The following LRRC37A2 variants were observed in gnomAD, a reference collection of about 807,000 sequenced individuals.
The protein encoded by LRRC37A2 is leucine-rich repeat-containing protein 37A2.
Under a neutral mutation model 68.8 loss-of-function variants are expected in LRRC37A2, and 9 were observed. The ratio of observed to expected loss-of-function variants is 0.13; its 90% CI spans 0.08 to 0.23. The LOEUF is 0.23. Among genes scored for constraint, LRRC37A2 ranks in the 10% least tolerant of loss-of-function variants. The probability of loss-of-function intolerance (pLI) is 1.00; values close to 1 mark genes in which losing one functional copy is unlikely to be tolerated. For missense variants in LRRC37A2, 168 were observed against 950.4 expected (o/e 0.18, Z 10.82); for synonymous variants, 63 against 367.6 (o/e 0.17, Z 9.48).
the LRRC37A2 span, among the ~76,000 whole-genome samples, chr17:46,918,911 C>G: frequency 1.3e-5 from 2 of 152,220 alleles, no homozygotes; most frequent in South Asian, 4.1e-4. Flanking sequence ...GTTTTCCCCA[C>G]TGGCCTTATC....
At chr17:46,875,453 C>A in the LRRC37A2 span, 2 of 1,442,154 alleles carry the variant, frequency 1.4e-6, no homozygotes, top group East Asian at 5.0e-5. Context: ...GCACCCCACT[C>A]CCCAAAATAC....
the LRRC37A2 span, among the ~76,000 whole-genome samples, chr17:46,631,082 A>ACACACACACACACACACACACACACG: frequency 1.5e-3 from 212 of 141,832 alleles, no homozygotes; most frequent in East Asian, 0.011. Context: ...ACACACACAC[A>ACACACACACACACACACACACACACG]CACACACACA....
the LRRC37A2 span, among the ~76,000 whole-genome samples, chr17:46,934,093 G>A: frequency 6.6e-6 from 1 of 152,210 alleles, no homozygotes; most frequent in Non-Finnish European, 1.5e-5. Context: ...CACCAGGATG[G>A]GCGTTGGTGT....
the LRRC37A2 span, among the ~76,000 whole-genome samples, chr17:46,896,755 C>T: frequency 2.0e-5 from 3 of 152,206 alleles, no homozygotes; most frequent in Non-Finnish European, 4.4e-5. Context: ...GATGTCCGTC[C>T]CACCACAAGG....
chr17:46,979,753 T>C, the LRRC37A2 span, among the ~76,000 whole-genome samples: 2 of 149,342 alleles, frequency 1.3e-5, no homozygotes, highest in African/African-American at 2.5e-5. Context: ...CTTGGTCCCA[T>C]TTAACTTTTT....
At chr17:46,766,386 G>A in the LRRC37A2 span, among the ~76,000 whole-genome samples, 46 of 150,998 alleles carry the variant, frequency 3.0e-4, no homozygotes, top group Admixed American at 2.2e-3. Flanking sequence ...CAGCCTGGGC[G>A]ACAAAGAGAG....
chr17:46,722,997 T>G, the LRRC37A2 span, among the ~76,000 whole-genome samples: 1 of 152,176 alleles, frequency 6.6e-6, no homozygotes, highest in South Asian at 2.1e-4. Flanking sequence ...GCTGCAGGTA[T>G]TTTTCCTCTC....
the LRRC37A2 span, among the ~76,000 whole-genome samples, chr17:46,807,205 G>A: frequency 6.6e-6 from 1 of 152,218 alleles, no homozygotes; most frequent in Non-Finnish European, 1.5e-5. Flanking sequence ...AAAGAAGGCC[G>A]GGCCTGGTGG....
chr17:46,841,222 G>A, the LRRC37A2 span, among the ~76,000 whole-genome samples: 2 of 152,216 alleles, frequency 1.3e-5, no homozygotes, highest in Non-Finnish European at 2.9e-5. Context: ...CCAGCCCAAA[G>A]AGCAGCTTTC....
the LRRC37A2 span, among the ~76,000 whole-genome samples, chr17:46,392,421 CTT>C: frequency 5.7e-3 from 325 of 57,356 alleles, 32 homozygotes; most frequent in African/African-American, 0.012. Flanking sequence ...CTCTCTCTCT[CTT>C]TCTTTCTCTC....
the LRRC37A2 span, among the ~76,000 whole-genome samples, chr17:46,912,911 T>C: frequency 6.6e-6 from 1 of 152,194 alleles, no homozygotes; most frequent in African/African-American, 2.4e-5. Context: ...AGCAGCCTGG[T>C]CCTAGTTCCC....
At chr17:46,965,769 C>T in the LRRC37A2 span, among the ~76,000 whole-genome samples, 1 of 151,862 alleles carries the variant, frequency 6.6e-6, no homozygotes, top group Non-Finnish European at 1.5e-5. Context: ...ACTACCGGCA[C>T]ACAGCACCAT....
At chr17:46,739,199 C>T in the LRRC37A2 span, among the ~76,000 whole-genome samples, 7 of 151,874 alleles carry the variant, frequency 4.6e-5, no homozygotes, top group African/African-American at 7.3e-5. Context: ...GTGAAACCCC[C>T]GCCTCTACTA....
the LRRC37A2 span, among the ~76,000 whole-genome samples, chr17:46,786,716 G>A: frequency 1.3e-5 from 2 of 152,306 alleles, no homozygotes; most frequent in Non-Finnish European, 1.5e-5. Flanking sequence ...CTCTGTTACT[G>A]AGGATGTCAT....
the LRRC37A2 span, chr17:46,978,490 C>A: frequency 2.4e-6 from 2 of 848,430 alleles, no homozygotes; most frequent in Non-Finnish European, 1.7e-6. Flanking sequence ...CCTTCCCGCG[C>A]CCCCGCCGAC....
the LRRC37A2 span, chr17:47,033,301 C>A: frequency 5.7e-6 from 4 of 696,096 alleles, no homozygotes; most frequent in African/African-American, 7.1e-5. Flanking sequence ...CTAGATTTTG[C>A]CCCTGAAAAA....
At chr17:46,836,234 A>G in the LRRC37A2 span, among the ~76,000 whole-genome samples, 60 of 151,974 alleles carry the variant, frequency 3.9e-4, no homozygotes, top group African/African-American at 1.3e-3. Context: ...GGAAGCAGCC[A>G]AAAGAGTGCG....
At chr17:46,887,574 G>A in the LRRC37A2 span, among the ~76,000 whole-genome samples, 1 of 152,136 alleles carries the variant, frequency 6.6e-6, no homozygotes, top group African/African-American at 2.4e-5. Flanking sequence ...AGACCAGCTT[G>A]GCCAACATGG....
the LRRC37A2 span, among the ~76,000 whole-genome samples, chr17:47,010,192 AG>A: frequency 2.0e-5 from 3 of 152,352 alleles, no homozygotes; most frequent in East Asian, 5.8e-4. Context: ...CCCTCTTCAC[AG>A]AAGCTTAGCG....
Sources: gnomAD v4.1 joint callset for allele counts (sites outside exome capture counted in the v4.1 genomes callset) on GRCh38, gnomAD v4.1.1 for gene constraint, MANE v1.5 for transcripts, NCBI Gene and HGNC (gene_info 2026-07-23, HGNC 2026-07-21) for gene names.